Variants in NWD1 observed in about 807,000 individuals in gnomAD.
The protein encoded by NWD1 is NACHT domain- and WD repeat-containing protein 1.
NWD1 carries 129 observed loss-of-function variants against 135.1 expected under a neutral mutation model. That is an observed-to-expected ratio of 0.96 (90% CI 0.83 to 1.11). NWD1 has a LOEUF of 1.11. Ranked by LOEUF, NWD1 falls within the 50% of genes least tolerant of loss-of-function variation. The probability of loss-of-function intolerance (pLI) is 0.00; values close to 1 mark genes in which losing one functional copy is unlikely to be tolerated. For synonymous variants in NWD1, 773 were observed against 786.0 expected (o/e 0.98, Z 0.28); for missense variants, 1,740 against 1,851.3 (o/e 0.94, Z 1.10).
At chr19:16,759,549 C>A in intron 7 of NWD1, 121 bp downstream of exon 7, 1 of 716,596 alleles carries the variant, frequency 1.4e-6, no homozygotes, top group South Asian at 1.7e-5. Context: ...GAATCAAGTC[C>A]AGTTAGAACT....
chr19:16,816,204 A>T lies in NWD1; in HGVS notation c.*1165A>T, dbSNP rs1432368307. ...GATTGTGTCTAGGGTGGGTATGAGC[A>T]GCCTGACTGTAGCCCAGAATCACCA... On this transcript the variant is annotated 3_prime_UTR_variant, in exon 19 of 19. Transcript: ENST00000524140. 1.3e-5 allele frequency: 2 copies of T among 152,212 alleles called. No individual in the cohort carries two copies. The highest frequency in any genetic ancestry group is 4.8e-5 in the African/African-American group (2 of 41,450). The allele number at this position is 152,212 out of a possible 1,614,324, so 9.4% of individuals were successfully genotyped here.
chr19:16,778,113 T>G lies in NWD1; in HGVS notation c.2609-1230T>G, dbSNP rs553131764. On this transcript the variant is annotated intron_variant, in intron 11 of 18. Coordinates refer to ENST00000524140, the MANE Select transcript of NWD1 (RefSeq NM_001007525.5). ...TGTCCCGATGAGGTGGAAACAAAAT[T>G]CTGTATTCTCAGAGCTTGACGGGCT... 3.7e-4 allele frequency among the ~76,000 whole-genome samples: 57 copies of G among 152,118 alleles called. No homozygotes were observed. In the South Asian group the frequency reaches 0.011, roughly 29 times the overall value.
At chr19:16,801,862 A>T (rs2608726) in intron 17 of NWD1, 68,375 of 152,090 alleles carry the variant, frequency 0.45, 17,437 homozygotes, top group African/African-American at 0.7. Flanking sequence ...AGTAAGTTCT[A>T]ACTCTGTTAG....
chr19:16,743,508 TA>T (rs1306299783), intron 4 of NWD1, among the ~76,000 whole-genome samples: 2 of 150,830 alleles, frequency 1.3e-5, no homozygotes, highest in East Asian at 4.0e-4. Flanking sequence ...ATGCCTAGCC[TA>T]GGGGACAATT....
At chr19:16,785,131 G>A (rs1439407558) in intron 12 of NWD1, among the ~76,000 whole-genome samples, 1 of 152,024 alleles carries the variant, frequency 6.6e-6, no homozygotes, top group African/African-American at 2.4e-5. Context: ...CCTTCTGGGG[G>A]GTTGCGAATG....
At chr19:16,769,543 C>T (rs1237770335) in intron 10 of NWD1, among the ~76,000 whole-genome samples, 2 of 152,024 alleles carry the variant, frequency 1.3e-5, no homozygotes, top group East Asian at 1.9e-4. Flanking sequence ...GGATAATGAC[C>T]TTTCCAGTAC....
chr19:16,808,130 C>A lies in NWD1; in HGVS notation c.4281C>A (p.Ser1427Arg). 1.2e-6 allele frequency: 2 copies of A among 1,612,724 alleles called. No individual in the cohort carries two copies. The highest frequency in any genetic ancestry group is 1.7e-6 in the Non-Finnish European group (2 of 1,179,422). Reference protein sequence around the residue: ...LQARKWKFEMSYTAPC With the variant: ...LQARKWKFEMRYTAPC Reference sequence around the variant, plus strand: ...CACGCAAGTGGAAATTCGAGATGAGCTACACGGTGGGTGGCCCGCCTCCCC... The same window carrying A: ...CACGCAAGTGGAAATTCGAGATGAGATACACGGTGGGTGGCCCGCCTCCCC... The change falls in exon 18 of 19, where the codon AGC becomes AGA. Residue 1427 changes from serine (S) to arginine (R), a missense_variant. By Grantham distance (110) the Ser-to-Arg change is moderately radical. Transcript: ENST00000524140.
chr19:16,754,728 C>G (rs552322913), intron 6 of NWD1, among the ~76,000 whole-genome samples: 2 of 151,302 alleles, frequency 1.3e-5, no homozygotes, highest in Non-Finnish European at 2.9e-5. Flanking sequence ...TCCATCATCT[C>G]TATCTTCCTT....
At chr19:16,795,370 C>T in intron 15 of NWD1, among the ~76,000 whole-genome samples, 1 of 152,070 alleles carries the variant, frequency 6.6e-6, no homozygotes, top group Non-Finnish European at 1.5e-5. Context: ...ACAAGGGGTC[C>T]ACGACCCTGA....
Position 16,794,463 on chromosome 19 carries a change from G to A in NWD1, c.3214G>A (p.Val1072Ile). Residue 1072 changes from valine to isoleucine, a missense_variant and splice_region_variant, in exon 15 of 19, where the codon GTT (valine) becomes ATT (isoleucine). Physicochemically the swap from Val to Ile is conservative, Grantham distance 29. Coordinates refer to ENST00000524140, the MANE Select transcript of NWD1 (RefSeq NM_001007525.5). ...GACAGGCATCCCTGGTTCTGCACAG[G>A]TTTCCTCCAAAGGGGACAGATTGCT... ...TGFSNGSISL[V>I]SSKGDRLLEK... 4 of 1,606,234 alleles carry A rather than the reference G, an allele frequency of 2.5e-6. No individual in the cohort carries two copies. The highest frequency in any genetic ancestry group is 2.2e-5 in the East Asian group (1 of 44,804).
At chr19:16,762,378 C>T (rs1239790884) in intron 8 of NWD1, among the ~76,000 whole-genome samples, 1 of 143,774 alleles carries the variant, frequency 7.0e-6, no homozygotes, top group Non-Finnish European at 1.5e-5. Flanking sequence ...CTCACTGCAA[C>T]CTCTGCCTCC....
chr19:16,790,638 A>AAAATAAT (rs1970209773), intron 13 of NWD1, among the ~76,000 whole-genome samples: 1 of 56,938 alleles, frequency 1.8e-5, no homozygotes, highest in East Asian at 2.7e-4. Context: ...ACATTAAAAA[A>AAAATAAT]AAATAAATAA....
At chr19:16,781,437 G>A (rs1969848839) in intron 12 of NWD1, among the ~76,000 whole-genome samples, 1 of 152,068 alleles carries the variant, frequency 6.6e-6, no homozygotes, top group African/African-American at 2.4e-5. Context: ...GCAACATGGT[G>A]AACCCACATC....
At chr19:16,775,442 C>T (rs115265594) in intron 11 of NWD1, among the ~76,000 whole-genome samples, 3,083 of 152,186 alleles carry the variant, frequency 0.02, 98 homozygotes, top group African/African-American at 0.067. Flanking sequence ...GGCGCTCTGC[C>T]ATTTTCAGTG....
rs1970801970 is a variant in NWD1, at chr19:16,807,870, T to TA, written c.4022dup (p.Tyr1341Ter). 6.2e-7 allele frequency: 1 copy of TA among 1,614,184 alleles called. No homozygotes were observed. Among genetic ancestry groups the TA allele is most frequent in the East Asian group, 2.2e-5 (1 of 44,882 alleles). Reference sequence around the variant, plus strand: ...CTGCCCGGTCATCGATGGGCCAAGATACACCTTTTACACTCAGCTGCCCGA... The same window carrying TA: ...CTGCCCGGTCATCGATGGGCCAAGATAACACCTTTTACACTCAGCTGCCCGA... ...DPCPVIDGPR[Y>*]TFYTQLPETL... Residue 1341 changes from tyrosine (Y) to a stop codon, truncating the protein, a stop_gained and frameshift_variant, in exon 18 of 19, where the codon TAC becomes TAAC. Coordinates refer to ENST00000524140, the MANE Select transcript of NWD1 (RefSeq NM_001007525.5). LOFTEE classifies it high-confidence loss of function.
chr19:16,805,471 G>A (rs1441665193), intron 17 of NWD1, among the ~76,000 whole-genome samples: 2 of 152,068 alleles, frequency 1.3e-5, no homozygotes, highest in African/African-American at 2.4e-5. Context: ...TGGGATTAGA[G>A]GCGCACACCA....
At chr19:16,767,930 C>A (rs1035507361) in intron 10 of NWD1, among the ~76,000 whole-genome samples, 7 of 150,920 alleles carry the variant, frequency 4.6e-5, no homozygotes, top group Admixed American at 4.0e-4. Flanking sequence ...TCTTACTGAG[C>A]AGAATGTCCT....
intron 12 of NWD1, 73 bp from the exon 13 acceptor site, chr19:16,788,909 A>G: frequency 2.0e-6 from 2 of 980,344 alleles, no homozygotes; most frequent in Non-Finnish European, 3.3e-6. Flanking sequence ...TTCCAAGCTG[A>G]CAAGCATTTT....
At chr19:16,736,333 G>A (rs1470261867) in intron 3 of NWD1, among the ~76,000 whole-genome samples, 2 of 151,696 alleles carry the variant, frequency 1.3e-5, no homozygotes, top group African/African-American at 4.8e-5. Flanking sequence ...GGGCTCAATT[G>A]ATCCTCCTAC....
Sources: allele counts gnomAD v4.1 joint callset (sites outside exome capture counted in the v4.1 genomes callset), GRCh38; gene constraint gnomAD v4.1.1; transcripts MANE v1.5; gene names NCBI Gene and HGNC (gene_info 2026-07-23, HGNC 2026-07-21).